The following ACKR2 variants were observed in gnomAD, a reference collection of about 807,000 sequenced individuals.
The protein encoded by ACKR2 is C-C chemokine receptor D6.
For synonymous variants in ACKR2, 207 were observed against 192.2 expected (o/e 1.08, Z -0.64); for missense variants, 457 against 477.3 (o/e 0.96, Z 0.40).
chr3:42,809,979 GA>G (rs1209866660), intron 1 of ACKR2, among the ~76,000 whole-genome samples: 1 of 152,106 alleles, frequency 6.6e-6, no homozygotes, highest in Non-Finnish European at 1.5e-5. Context: ...ATGACAGATA[GA>G]CAGGAGGGTA....
At chr3:42,828,482 T>C (rs1432792121) in intron 2 of ACKR2, among the ~76,000 whole-genome samples, 1 of 152,152 alleles carries the variant, frequency 6.6e-6, no homozygotes, top group Non-Finnish European at 1.5e-5. Context: ...ACTTCTTTCT[T>C]CTCCCTTCCT....
At chr3:42,823,038 G>A (rs1351853361) in intron 2 of ACKR2, among the ~76,000 whole-genome samples, 2 of 152,006 alleles carry the variant, frequency 1.3e-5, no homozygotes, top group African/African-American at 2.4e-5. Context: ...GTTTTTGCAT[G>A]ATGCTGTCCC....
At chr3:42,816,188 TCG>T (rs1700747334) in intron 1 of ACKR2, among the ~76,000 whole-genome samples, 1 of 99,786 alleles carries the variant, frequency 1.0e-5, no homozygotes, top group South Asian at 3.9e-4. Flanking sequence ...ATTGATAGTT[TCG>T]TGTGTGTGTG....
intron 2 of ACKR2, among the ~76,000 whole-genome samples, chr3:42,862,022 G>A (rs1024526725): frequency 6.6e-6 from 1 of 152,176 alleles, no homozygotes; most frequent in African/African-American, 2.4e-5. Flanking sequence ...GGGCAATCAG[G>A]CAAAGAGAAA....
rs1475181712 is a variant in ACKR2, at chr3:42,852,087, G to A, written c.-37-12379G>A. On this transcript the variant is annotated intron_variant, in intron 2 of 2. Coordinates refer to ENST00000422265, the MANE Select transcript of ACKR2 (RefSeq NM_001296.5). The surrounding 1 kb of genome is among the most constrained non-coding windows in gnomAD (Gnocchi z 4.3). ...TTAGTTTACCATAATAACCCTGCAA[G>A]GGAGGCAGATTATAGGTGAGAAAGC... is the stretch of plus-strand genomic sequence containing the variant. Among the ~76,000 whole-genome samples the A allele has an allele frequency of 1.3e-5, 2 of 152,196 alleles. No individual in the cohort carries two copies. Among genetic ancestry groups the A allele is most frequent in the Admixed American group, 1.3e-4 (2 of 15,282 alleles).
rs2088436713 is a variant in ACKR2, at chr3:42,866,426, T to G, written c.*769T>G. On this transcript the variant is annotated 3_prime_UTR_variant, in exon 3 of 3. Coordinates refer to ENST00000422265, the MANE Select transcript of ACKR2 (RefSeq NM_001296.5). ...TCTTGACCTTGGGATCCACCCGCCTTGGCCTCCCAAAGTGCTGGGATTACA... is the reference window on the plus strand; with the variant it reads ...TCTTGACCTTGGGATCCACCCGCCTGGGCCTCCCAAAGTGCTGGGATTACA... 1 of 158,186 alleles carries G rather than the reference T, an allele frequency of 6.3e-6. No homozygotes were observed. Among genetic ancestry groups the G allele is most frequent in the African/African-American group, 2.4e-5 (1 of 41,242 alleles). 9.8% of individuals were successfully genotyped at this position (158,186 alleles called of 1,614,324 possible).
chr3:42,848,376 C>T (rs1701119868), intron 2 of ACKR2, among the ~76,000 whole-genome samples: 1 of 151,798 alleles, frequency 6.6e-6, no homozygotes, highest in African/African-American at 2.4e-5. Flanking sequence ...TGCCACCACA[C>T]CTGGCTAATT....
At chr3:42,840,616 C>T (rs1383597469) in intron 2 of ACKR2, among the ~76,000 whole-genome samples, 3 of 152,220 alleles carry the variant, frequency 2.0e-5, no homozygotes, top group African/African-American at 7.2e-5. Flanking sequence ...GTTTGAATTC[C>T]AGTCCGTCTG....
intron 2 of ACKR2, among the ~76,000 whole-genome samples, chr3:42,862,398 A>G (rs1321761266): frequency 6.6e-6 from 1 of 152,216 alleles, no homozygotes; most frequent in African/African-American, 2.4e-5. Flanking sequence ...ACGCTCATGG[A>G]TAGGAAAAAT....
chr3:42,832,003 G>A (rs972992575), intron 2 of ACKR2, among the ~76,000 whole-genome samples: 9 of 152,270 alleles, frequency 5.9e-5, no homozygotes, highest in African/African-American at 1.9e-4. Flanking sequence ...TATGAATTTT[G>A]TACTTAGAAT....
chr3:42,837,368 C>A (rs1700996185), intron 2 of ACKR2, among the ~76,000 whole-genome samples: 1 of 152,126 alleles, frequency 6.6e-6, no homozygotes. Context: ...AGGTGCATGC[C>A]ACCATGCCTG....
Position 42,809,828 on chromosome 3 carries a change from C to T in ACKR2, c.-119+296C>T, listed in dbSNP as rs11129977. On this transcript the variant is annotated intron_variant, in intron 1 of 2. Transcript: ENST00000422265. ...AGTGACCCGAGATCGCGCCACTGTA[C>T]TCCAGCCTGGGCAACAAAGCTAGAC... Among the ~76,000 whole-genome samples the T allele has an allele frequency of 2.0e-5, 3 of 151,320 alleles. No individual in the cohort carries two copies. The East Asian group carries it at 5.9e-4, about 30-fold the overall frequency.
chr3:42,828,023 G>A (rs1032557264), intron 2 of ACKR2, among the ~76,000 whole-genome samples: 13 of 151,136 alleles, frequency 8.6e-5, no homozygotes, highest in African/African-American at 2.9e-4. Context: ...AAAGGAAAGA[G>A]CTGTAGTCAT....
chr3:42,839,582 G>A (rs191259377), intron 2 of ACKR2, among the ~76,000 whole-genome samples: 22 of 152,258 alleles, frequency 1.4e-4, no homozygotes, highest in African/African-American at 4.8e-4. Context: ...TGTTCTATAC[G>A]ACCGGTTAGC....
At chr3:42,856,585 C>A (rs989383893) in intron 2 of ACKR2, 37 of 540,526 alleles carry the variant, frequency 6.8e-5, no homozygotes, top group Admixed American at 2.4e-4. Flanking sequence ...GAGCATCCCA[C>A]CCATTAAAAG....
intron 2 of ACKR2, among the ~76,000 whole-genome samples, chr3:42,845,887 A>G (rs889538977): frequency 6.6e-6 from 1 of 151,062 alleles, no homozygotes; most frequent in African/African-American, 2.5e-5. Flanking sequence ...AAAAGAAAAC[A>G]AAAGAAAAGA....
Position 42,865,091 on chromosome 3 carries a change from G to A in ACKR2, c.589G>A (p.Ala197Thr). ...TCCCAAGGGTGTGTGGAACTGCCACGCAGATTTCGGCGGGCATGGGACCAT... is the reference window on the plus strand; with the variant it reads ...TCCCAAGGGTGTGTGGAACTGCCACACAGATTTCGGCGGGCATGGGACCAT... ...ENPKGVWNCH[A>T]DFGGHGTIWK... The change falls in exon 3 of 3, where the codon GCA becomes ACA. Residue 197 changes from alanine to threonine, a missense_variant. By Grantham distance (58) the Ala-to-Thr change is moderately conservative. Coordinates refer to ENST00000422265, the MANE Select transcript of ACKR2 (RefSeq NM_001296.5). The A allele has an allele frequency of 1.2e-6, 2 of 1,613,984 alleles. No homozygotes were observed. The highest frequency in any genetic ancestry group is 1.7e-6 in the Non-Finnish European group (2 of 1,179,990).
chr3:42,850,591 G>A (rs1305722118), intron 2 of ACKR2, among the ~76,000 whole-genome samples: 1 of 152,208 alleles, frequency 6.6e-6, no homozygotes, highest in Non-Finnish European at 1.5e-5. Context: ...GGTGAGGGTG[G>A]CTGAGGTACT....
At chr3:42,827,855 G>A (rs1212636045) in intron 2 of ACKR2, among the ~76,000 whole-genome samples, 1 of 152,074 alleles carries the variant, frequency 6.6e-6, no homozygotes, top group Non-Finnish European at 1.5e-5. Context: ...CACCCACAGG[G>A]AGACGCCCCC....
Sources: allele counts gnomAD v4.1 joint callset (sites outside exome capture counted in the v4.1 genomes callset), GRCh38; gene constraint gnomAD v4.1.1; non-coding constraint Gnocchi (gnomAD v3.1); transcripts MANE v1.5; gene names NCBI Gene and HGNC (gene_info 2026-07-23, HGNC 2026-07-21).